Variants in EBPL observed in about 807,000 individuals in gnomAD.
EBPL encodes the protein EBP like.
A neutral mutation model predicts 19.0 loss-of-function variants in EBPL; 20 were observed. The observed-to-expected ratio is 1.05, with a 90% CI of 0.74 to 1.53. EBPL has a LOEUF of 1.53. EBPL is among the 40% of genes most tolerant of loss of function. EBPL has a pLI of 0.00. For synonymous variants in EBPL, 107 were observed against 117.0 expected (o/e 0.91, Z 0.55); for missense variants, 219 against 261.1 (o/e 0.84, Z 1.11).
At chr13:49,669,037 G>A (rs1246640342) in intron 2 of EBPL, among the ~76,000 whole-genome samples, 8 of 151,034 alleles carry the variant, frequency 5.3e-5, no homozygotes, top group East Asian at 2.0e-4. Flanking sequence ...CCGCCACCAC[G>A]CCCAGCCAAT....
At chr13:49,682,389 G>C (rs1953951965) in intron 1 of EBPL, among the ~76,000 whole-genome samples, 1 of 152,188 alleles carries the variant, frequency 6.6e-6, no homozygotes, top group Non-Finnish European at 1.5e-5. Context: ...ATCTTAATTG[G>C]ACATATACAT....
At chr13:49,665,715 CTTTTT>C (rs35993290) in intron 2 of EBPL, among the ~76,000 whole-genome samples, 3 of 146,940 alleles carry the variant, frequency 2.0e-5, no homozygotes, top group African/African-American at 7.6e-5. Context: ...TTCAACAAGT[CTTTTT>C]TTTTTTTTTT....
In EBPL at chr13:49,691,257, C is replaced by A; in HGVS notation, c.168G>T (p.Ala56=). The change falls in exon 1 of 4, where the codon GCG becomes GCT. Residue 56 remains alanine, a synonymous_variant. Transcript: ENST00000242827. ...GGGTCTAGGCGATGGCACTTACCAG[C>A]GCGAAGTGCACCAGCGCGTCGTAGC... The part of the protein sequence containing the change: ...WLCYDALVHF[A]LEGPFVYLSL... 7.2e-7 allele frequency: 1 copy of A among 1,386,966 alleles called. No homozygotes were observed. Among genetic ancestry groups the A allele is most frequent in the Non-Finnish European group, 9.4e-7 (1 of 1,068,258 alleles). 85.9% of individuals were successfully genotyped at this position (1,386,966 alleles called of 1,614,324 possible).
chr13:49,676,395 T>C (rs1953876169), intron 1 of EBPL, among the ~76,000 whole-genome samples: 1 of 151,942 alleles, frequency 6.6e-6, no homozygotes, highest in Non-Finnish European at 1.5e-5. Context: ...ATCGAGACCA[T>C]CCTGGTTAAC....
intron 1 of EBPL, among the ~76,000 whole-genome samples, chr13:49,678,478 C>T (rs999201058): frequency 2.0e-5 from 3 of 152,218 alleles, no homozygotes; most frequent in Non-Finnish European, 4.4e-5. Context: ...TCAGGCCCGG[C>T]GAGAATTCGA....
In EBPL at chr13:49,660,832, A is replaced by G. The variant is rs1396348765; in HGVS notation, c.*136T>C. ...ACGAAAACTGGTCGCCTTAAAACCA[A>G]TTTGAAACAGGTTGTTCAGGAGCAA... On this transcript the variant is annotated 3_prime_UTR_variant, in exon 4 of 4. Transcript: ENST00000242827. 6 of 775,156 alleles carry G rather than the reference A, an allele frequency of 7.7e-6. No homozygotes were observed. The highest frequency in any genetic ancestry group is 6.0e-5 in the Admixed American group (2 of 33,506). The allele number at this position is 775,156 out of a possible 1,614,324, so 48.0% of individuals were successfully genotyped here.
intron 3 of EBPL, 96 bp from the exon 4 acceptor site, chr13:49,661,304 C>G: frequency 9.8e-7 from 1 of 1,022,858 alleles, no homozygotes. Flanking sequence ...CATCAACAGT[C>G]TTCGCTATGA....
chr13:49,678,352 C>G (rs533881920), intron 1 of EBPL, among the ~76,000 whole-genome samples: 31 of 152,350 alleles, frequency 2.0e-4, no homozygotes, highest in Middle Eastern at 3.4e-3. Flanking sequence ...AGCCCTTGGG[C>G]GGTCAATCGG....
At chr13:49,675,508 T>C (rs1953865798) in intron 1 of EBPL, among the ~76,000 whole-genome samples, 1 of 152,234 alleles carries the variant, frequency 6.6e-6, no homozygotes. Flanking sequence ...ATCCATGTTG[T>C]AGCATGTGTC....
intron 1 of EBPL, 75 bp downstream of exon 1, chr13:49,691,179 C>G: frequency 2.5e-6 from 3 of 1,210,004 alleles, no homozygotes; most frequent in Non-Finnish European, 3.1e-6. Context: ...GCCGCAGGAC[C>G]CCCTCACCCC....
chr13:49,676,119 A>G (rs1953873195), intron 1 of EBPL, among the ~76,000 whole-genome samples: 1 of 152,232 alleles, frequency 6.6e-6, no homozygotes, highest in Non-Finnish European at 1.5e-5. Flanking sequence ...CCACTGGGCT[A>G]GACTGCCCCA....
At chr13:49,672,516 T>C (rs976344167) in intron 1 of EBPL, among the ~76,000 whole-genome samples, 6 of 152,102 alleles carry the variant, frequency 3.9e-5, no homozygotes, top group Admixed American at 2.6e-4. Context: ...GGCTAACACA[T>C]AGAACATGCT....
At chr13:49,671,240 C>T (rs1036228743) in intron 1 of EBPL, among the ~76,000 whole-genome samples, 5 of 152,158 alleles carry the variant, frequency 3.3e-5, no homozygotes, top group East Asian at 1.9e-4. Flanking sequence ...CGGGTTCAAG[C>T]GATTCCAGTG....
At chr13:49,661,346 G>T in intron 3 of EBPL, 138 bp from the exon 4 acceptor site, 2 of 704,082 alleles carry the variant, frequency 2.8e-6, no homozygotes, top group Non-Finnish European at 2.4e-6. Context: ...CAGATGTTGG[G>T]TGGTGCTATT....
At chr13:49,684,198 A>G (rs192156542) in intron 1 of EBPL, among the ~76,000 whole-genome samples, 4 of 152,352 alleles carry the variant, frequency 2.6e-5, no homozygotes, top group South Asian at 2.1e-4. Context: ...GGGTGGTTAC[A>G]CAACTCTACA....
At chr13:49,668,054 A>C (rs974961237) in intron 2 of EBPL, 2 of 152,292 alleles carry the variant, frequency 1.3e-5, no homozygotes, top group African/African-American at 4.8e-5. Flanking sequence ...GCAGCCAATC[A>C]AAAGTGCATA....
intron 1 of EBPL, among the ~76,000 whole-genome samples, chr13:49,673,678 C>T (rs556266625): frequency 6.6e-6 from 1 of 152,262 alleles, no homozygotes; most frequent in Non-Finnish European, 1.5e-5. Context: ...CTCAAGCGAT[C>T]CACTCGCCTC....
At chr13:49,686,802 T>G (rs1330287354) in intron 1 of EBPL, among the ~76,000 whole-genome samples, 1 of 152,130 alleles carries the variant, frequency 6.6e-6, no homozygotes, top group Non-Finnish European at 1.5e-5. Context: ...CCATTCTCTC[T>G]CTCTTCTTTT....
At chr13:49,664,132 A>G (rs1965191644) in intron 2 of EBPL, among the ~76,000 whole-genome samples, 1 of 151,384 alleles carries the variant, frequency 6.6e-6, no homozygotes, top group Admixed American at 6.6e-5. Context: ...CATGCCTGTA[A>G]TCTCAGCTAC....
Sources: allele counts gnomAD v4.1 joint callset (sites outside exome capture counted in the v4.1 genomes callset), GRCh38; gene constraint gnomAD v4.1.1; transcripts MANE v1.5; gene names NCBI Gene and HGNC (gene_info 2026-07-23, HGNC 2026-07-21).